Variants in OLFM1 observed in about 807,000 individuals in gnomAD.
The protein encoded by OLFM1 is olfactomedin 1.
OLFM1 carries 9 observed loss-of-function variants against 49.7 expected under a neutral mutation model. The ratio of observed to expected loss-of-function variants is 0.18; its 90% CI spans 0.11 to 0.32. The LOEUF is 0.32. Among genes scored for constraint, OLFM1 ranks in the 10% least tolerant of loss-of-function variants. The pLI, the probability that OLFM1 is intolerant of heterozygous loss-of-function variation, is 1.00. For synonymous variants in OLFM1, 240 were observed against 271.8 expected, an observed-to-expected ratio of 0.88 and a Z score of 1.15; for missense variants, 369 against 661.8, an observed-to-expected ratio of 0.56 and a Z score of 4.85.
chr9:135,081,901 G>A (rs1203508939), intron 1 of OLFM1, among the ~76,000 whole-genome samples: 1 of 152,216 alleles, frequency 6.6e-6, no homozygotes, highest in African/African-American at 2.4e-5. Context: ...GTTGCACCTG[G>A]CATGCTTTGC....
At chr9:135,114,177 T>C (rs1019554688) in intron 5 of OLFM1, among the ~76,000 whole-genome samples, 1 of 53,160 alleles carries the variant, frequency 1.9e-5, no homozygotes, top group African/African-American at 7.2e-4. Flanking sequence ...CTGTTGCCCA[T>C]GCTGGAGTGC....
At chr9:135,104,383 G>A (rs568950345) in intron 4 of OLFM1, among the ~76,000 whole-genome samples, 1 of 152,226 alleles carries the variant, frequency 6.6e-6, no homozygotes, top group African/African-American at 2.4e-5. Flanking sequence ...CCTGCAAGGT[G>A]GAGGGCAGAC....
chr9:135,092,192 C>G (rs1258494472), intron 2 of OLFM1, among the ~76,000 whole-genome samples: 1 of 152,154 alleles, frequency 6.6e-6, no homozygotes, highest in Admixed American at 6.5e-5. Context: ...TCAGGAAGCT[C>G]GAGACAAAGC....
chr9:135,100,767 GGGTAATTCATGGAAT>G (rs1428504294), intron 4 of OLFM1, among the ~76,000 whole-genome samples: 2 of 152,144 alleles, frequency 1.3e-5, no homozygotes, highest in African/African-American at 2.4e-5. Context: ...CTGAGCTCTG[GGGTAATTCATGGAAT>G]GGTAATTCAT....
rs561418967 is a variant in OLFM1, at chr9:135,110,508, C to G, written c.783+3653C>G. Among the ~76,000 whole-genome samples, 5 of 152,340 alleles carry G rather than the reference C, an allele frequency of 3.3e-5. No homozygotes were observed. In the South Asian group the frequency reaches 1.0e-3, roughly 32 times the overall value. ...TCCCATCATCTAAACAGCGTCAAGG[C>G]CATCTAGATATTTTATAAGGATCCC... On this transcript the variant is annotated intron_variant, in intron 5 of 5. Coordinates refer to ENST00000371793, the MANE Select transcript of OLFM1 (RefSeq NM_001282611.2).
At chr9:135,112,466 G>A (rs1291509326) in intron 5 of OLFM1, among the ~76,000 whole-genome samples, 1 of 152,104 alleles carries the variant, frequency 6.6e-6, no homozygotes, top group Non-Finnish European at 1.5e-5. Context: ...AGCTTTGGGA[G>A]GACAGGGCCT....
intron 4 of OLFM1, among the ~76,000 whole-genome samples, chr9:135,103,397 T>C (rs1830896641): frequency 6.6e-6 from 1 of 152,236 alleles, no homozygotes; most frequent in South Asian, 2.1e-4. Flanking sequence ...GCAGGTGGCC[T>C]CCAGCCCCAA....
chr9:135,111,458 T>C (rs591155), intron 5 of OLFM1, among the ~76,000 whole-genome samples: 30,284 of 152,000 alleles, frequency 0.2, 3,260 homozygotes, highest in East Asian at 0.36. Context: ...GTGCGAGACC[T>C]CCACGACCCC....
rs547907443 is a variant in OLFM1 at position 135,080,280 on chromosome 9, C to T, written c.96+4478C>T. ...CCTCTTCCCCTCCAGCTTCTCTGCC[C>T]CCTCTGTTTTGGACTTGCTGGGAGG... On this transcript the variant is annotated intron_variant, in intron 1 of 5. Coordinates refer to the OLFM1 transcript ENST00000252854. The surrounding 1 kb of genome is among the most constrained non-coding windows in gnomAD (Gnocchi z 4.5). 1.3e-5 allele frequency among the ~76,000 whole-genome samples: 2 copies of T among 152,146 alleles called. No homozygotes were observed. Among genetic ancestry groups the T allele is most frequent in the South Asian group, 4.2e-4 (2 of 4,812 alleles).
At position 135,119,871 on chromosome 9, in the gene OLFM1, C is replaced by T. The variant is rs1831163272; in HGVS notation, c.1151C>T (p.Pro384Leu). ...AGNIVVSRLD[P>L]VSLQTLQTWN... ...AACATCGTGGTCAGTAGGCTGGACC[C>T]CGTGTCCCTGCAGACCCTGCAGACC... The change falls in exon 6 of 6, where the codon CCC (proline) becomes CTC (leucine). Residue 384 changes from proline (P) to leucine (L), a missense_variant. Transcript: ENST00000371793. 1 of 1,613,644 alleles carries T rather than the reference C, an allele frequency of 6.2e-7. No homozygotes were observed. The highest frequency in any genetic ancestry group is 1.3e-5 in the African/African-American group (1 of 75,050).
At chr9:135,114,120 A>G (rs1260852067) in intron 5 of OLFM1, among the ~76,000 whole-genome samples, 2 of 72,524 alleles carry the variant, frequency 2.8e-5, no homozygotes, top group East Asian at 6.7e-4. Flanking sequence ...TCATCTTGAG[A>G]TTCTTTTTTT....
chr9:135,112,804 A>G (rs548278602), intron 5 of OLFM1, among the ~76,000 whole-genome samples: 3 of 152,194 alleles, frequency 2.0e-5, no homozygotes, highest in African/African-American at 4.8e-5. Flanking sequence ...GGACCACCAC[A>G]TGGGGCCGCC....
At chr9:135,081,192 C>T (rs962509011) in intron 1 of OLFM1, among the ~76,000 whole-genome samples, 5 of 152,112 alleles carry the variant, frequency 3.3e-5, no homozygotes, top group African/African-American at 1.2e-4. Flanking sequence ...CCTGCCCATC[C>T]ACCCAGCACA....
chr9:135,076,119 T>G, intron 1 of OLFM1: 1 of 1,547,048 alleles, frequency 6.5e-7, no homozygotes, highest in Non-Finnish European at 8.7e-7. Flanking sequence ...GGTCTTTGGC[T>G]GCTATTGTCA....
rs747342224 is a variant in OLFM1 at position 135,098,863 on chromosome 9, C to T, written c.676+358C>T. ...CTGGCAATAACATCTCAGATTCCTCCGGATTGAGAACGGGGGCTGGTGGAG... is the reference window on the plus strand; with the variant it reads ...CTGGCAATAACATCTCAGATTCCTCTGGATTGAGAACGGGGGCTGGTGGAG... On this transcript the variant is annotated intron_variant, in intron 4 of 5. Coordinates refer to ENST00000371793, the MANE Select transcript of OLFM1 (RefSeq NM_001282611.2). This position sits in a 1 kb window ranked among gnomAD's most constrained non-coding sequence, Gnocchi z 5.6. 3.9e-5 allele frequency among the ~76,000 whole-genome samples: 6 copies of T among 152,120 alleles called. No homozygotes were observed. The highest frequency in any genetic ancestry group is 5.9e-5 in the Non-Finnish European group (4 of 68,030).
rs113692488 is a variant in OLFM1 at position 135,096,037 on chromosome 9, C to T, written c.456+18C>T. On this transcript the variant is annotated intron_variant, in intron 3 of 5. Transcript: ENST00000371793. ...AGTTTAAGGTATGCATGTTCCTCCC[C>T]CTCTCCCTCCCCTTATCCTCCTCCT... The T allele has an allele frequency of 8.6e-4, 1,379 of 1,607,246 alleles. 20 individuals carry two copies. The African/African-American group carries it at 0.016, about 19-fold the overall frequency.
At chr9:135,111,550 G>A (rs1831023404) in intron 5 of OLFM1, among the ~76,000 whole-genome samples, 2 of 152,144 alleles carry the variant, frequency 1.3e-5, no homozygotes, top group African/African-American at 2.4e-5. Context: ...CCTGTGCTGA[G>A]GGTGGGTGTG....
At chr9:135,111,096 A>G (rs1831016125) in intron 5 of OLFM1, among the ~76,000 whole-genome samples, 1 of 152,194 alleles carries the variant, frequency 6.6e-6, no homozygotes. Context: ...AGTAAACTGC[A>G]CCACATGTGG....
upstream of OLFM1, chr9:135,087,178 G>A: frequency 7.3e-7 from 1 of 1,364,198 alleles, no homozygotes; most frequent in East Asian, 2.8e-5. Flanking sequence ...TGGCGCTGGA[G>A]GCCCTCGCGA....
Sources: allele counts gnomAD v4.1 joint callset (sites outside exome capture counted in the v4.1 genomes callset), GRCh38; gene constraint gnomAD v4.1.1; non-coding constraint Gnocchi (gnomAD v3.1); transcripts MANE v1.5; gene names NCBI Gene and HGNC (gene_info 2026-07-23, HGNC 2026-07-21).